Variants in HSPA12B observed in about 807,000 individuals in gnomAD.
HSPA12B encodes the protein heat shock 70 kDa protein 12B.
HSPA12B carries 54 observed loss-of-function variants against 69.3 expected under a neutral mutation model. That is an observed-to-expected ratio of 0.78 (90% confidence interval 0.63 to 0.98). The LOEUF is 0.98. Ranked by LOEUF, HSPA12B falls within the 50% of genes least tolerant of loss-of-function variation. The probability of loss-of-function intolerance (pLI) is 0.00; values close to 1 mark genes in which losing one functional copy is unlikely to be tolerated. For synonymous variants in HSPA12B, 441 were observed against 436.5 expected (o/e 1.01, Z -0.13); for missense variants, 929 against 999.8 (o/e 0.93, Z 0.96).
rs930057048 is a variant in HSPA12B at position 3,740,303 on chromosome 20, G to A, written c.44-512G>A. Reference sequence around the variant, plus strand: ...GCCTGTCTGTGGCCCTTGTGGGCATGGGAGCTGCAGAGTTCCCTCAAGTCC... The same window carrying A: ...GCCTGTCTGTGGCCCTTGTGGGCATAGGAGCTGCAGAGTTCCCTCAAGTCC... On this transcript the variant is annotated intron_variant, in intron 2 of 12. Coordinates refer to ENST00000254963, the MANE Select transcript of HSPA12B (RefSeq NM_052970.5). This position sits in a 1 kb window ranked among gnomAD's most constrained non-coding sequence, Gnocchi z 4.9. 2.6e-5 allele frequency among the ~76,000 whole-genome samples: 4 copies of A among 152,182 alleles called. No homozygotes were observed. Among genetic ancestry groups the A allele is most frequent in the African/African-American group, 9.7e-5 (4 of 41,444 alleles).
chr20:3,749,897 C>T lies in HSPA12B; in HGVS notation c.1042+43C>T, dbSNP rs780491469. 5.2e-6 allele frequency: 8 copies of T among 1,537,940 alleles called. No homozygotes were observed. Among genetic ancestry groups the T allele is most frequent in the Non-Finnish European group, 7.0e-6 (8 of 1,139,370 alleles). On this transcript the variant is annotated intron_variant, in intron 10 of 12. Coordinates refer to ENST00000254963, the MANE Select transcript of HSPA12B (RefSeq NM_052970.5). The surrounding 1 kb of genome is among the most constrained non-coding windows in gnomAD (Gnocchi z 5.5). The stretch of plus-strand genomic sequence containing the variant: ...GCCCCGGTACCCAGCGCGACCCGGG[C>T]TCCGGCCCCGCCACTGCCCCCTGGC...
chr20:3,746,301 CTTTTT>C (rs11473544), intron 7 of HSPA12B, among the ~76,000 whole-genome samples: 1,134 of 89,230 alleles, frequency 0.013, 18 homozygotes, highest in African/African-American at 0.044. Flanking sequence ...GATGGAGAGT[CTTTTT>C]TTTTTTTTTT....
rs758933355 is a variant in HSPA12B at position 3,745,903 on chromosome 20, C to A, written c.559-12C>A. The A allele has an allele frequency of 1.4e-5, 22 of 1,612,364 alleles. No individual in the cohort carries two copies. The South Asian group carries it at 2.2e-4, about 16-fold the overall frequency. ...AAGCCAGCTTTCCTCTCACTGCCCC[C>A]TCCTGTACCAGGAGCTGAGGGAGCA... On this transcript the variant is annotated splice_polypyrimidine_tract_variant and intron_variant, in intron 6 of 12. Coordinates refer to ENST00000254963, the MANE Select transcript of HSPA12B (RefSeq NM_052970.5). This position sits in a 1 kb window ranked among gnomAD's most constrained non-coding sequence, Gnocchi z 5.6.
Position 3,748,353 on chromosome 20 carries a change from T to G in HSPA12B, c.812T>G (p.Leu271Arg). The stretch of plus-strand genomic sequence containing the variant: ...GGCCGGGCCCCAGGTGGTGGGCGCC[T>G]GGGTGAGCGCCGCTCCATCGACTCC... Reference protein sequence around the residue: ...LSGRAPGGGRLGERRSIDSSF... With the variant: ...LSGRAPGGGRRGERRSIDSSF... The change falls in exon 8 of 13, where the codon CTG becomes CGG. Residue 271 changes from leucine to arginine, a missense_variant. Physicochemically the swap from Leu to Arg is moderately radical, Grantham distance 102. Coordinates refer to ENST00000254963, the MANE Select transcript of HSPA12B (RefSeq NM_052970.5). 1 of 1,608,988 alleles carries G rather than the reference T, an allele frequency of 6.2e-7. No homozygotes were observed. The highest frequency in any genetic ancestry group is 1.1e-5 in the South Asian group (1 of 90,350).
chr20:3,750,085 C>G lies in HSPA12B; in HGVS notation c.1159C>G (p.Leu387Val), dbSNP rs2088385685. The G allele has an allele frequency of 6.2e-7, 1 of 1,612,350 alleles. No individual in the cohort carries two copies. The highest frequency in any genetic ancestry group is 8.5e-7 in the Non-Finnish European group (1 of 1,179,708). ...GCAACGGCCGGCAGCCTGGGTAGAT[C>G]TGACCATCGCCTTCGAGGCTCGCAA... ...KRQRPAAWVD[L>V]TIAFEARKRT... Residue 387 changes from leucine to valine, a missense_variant, in exon 11 of 13, where the codon CTG becomes GTG. Leu to Val is a conservative substitution (Grantham distance 32). Around this residue, in one of 3 missense-constraint regions of HSPA12B, gnomAD observed 477 missense variants for 535.2 expected, o/e 0.89. Coordinates refer to ENST00000254963, the MANE Select transcript of HSPA12B (RefSeq NM_052970.5).
intron 8 of HSPA12B, 56 bp downstream of exon 8, chr20:3,748,447 C>G (rs2088349325): frequency 3.6e-6 from 5 of 1,401,882 alleles, no homozygotes; most frequent in African/African-American, 1.5e-5. Flanking sequence ...GTCACTGAAG[C>G]CAGAAGCTCA....
At position 3,745,983 on chromosome 20, in the gene HSPA12B, C is replaced by T. The variant is rs768605733; in HGVS notation, c.627C>T (p.Ala209=). 1.9e-6 allele frequency: 3 copies of T among 1,613,902 alleles called. No individual in the cohort carries two copies. Among genetic ancestry groups the T allele is most frequent in the African/African-American group, 2.7e-5 (2 of 74,930 alleles). Residue 209 remains alanine, a synonymous_variant, in exon 7 of 13, where the codon GCC becomes GCT. Coordinates refer to ENST00000254963, the MANE Select transcript of HSPA12B (RefSeq NM_052970.5). The surrounding 1 kb of genome is among the most constrained non-coding windows in gnomAD (Gnocchi z 5.6). ...DTVRWVLTVP[A]IWKQPAKQFM... ...TGCGCTGGGTGTTGACGGTGCCTGCCATCTGGAAACAGCCAGCCAAGCAGT... is the reference window on the plus strand; with the variant it reads ...TGCGCTGGGTGTTGACGGTGCCTGCTATCTGGAAACAGCCAGCCAAGCAGT...
chr20:3,751,260 T>C (rs996598416), intron 12 of HSPA12B: 5 of 985,350 alleles, frequency 5.1e-6, no homozygotes, highest in Non-Finnish European at 6.0e-6. Context: ...AAAATGCATA[T>C]CCTTATCTCT....
rs540894719 is a variant in HSPA12B, at chr20:3,740,232, G to A, written c.44-583G>A. Among the ~76,000 whole-genome samples, 1 of 152,112 alleles carries A rather than the reference G, an allele frequency of 6.6e-6. No homozygotes were observed. The highest frequency in any genetic ancestry group is 2.4e-5 in the African/African-American group (1 of 41,404). ...GGACTGGGCTATCTCTATGGGTGTG[G>A]GAGGAGGTGCTCCCCCTCCTCGATC... On this transcript the variant is annotated intron_variant, in intron 2 of 12. Transcript: ENST00000254963. This position sits in a 1 kb window ranked among gnomAD's most constrained non-coding sequence, Gnocchi z 4.9.
chr20:3,745,181 G>A lies in HSPA12B; in HGVS notation c.453+93G>A. On this transcript the variant is annotated intron_variant, in intron 5 of 12. Coordinates refer to ENST00000254963, the MANE Select transcript of HSPA12B (RefSeq NM_052970.5). This position sits in a 1 kb window ranked among gnomAD's most constrained non-coding sequence, Gnocchi z 5.6. ...GTGGGACAAAACCAAAACGTGTGAG[G>A]ACCGGCCCGATGGAGTCGTGGCTGA... The A allele has an allele frequency of 1.7e-6, 2 of 1,185,380 alleles. No homozygotes were observed. Among genetic ancestry groups the A allele is most frequent in the Non-Finnish European group, 2.4e-6 (2 of 830,284 alleles). 73.4% of individuals were successfully genotyped at this position (1,185,380 alleles called of 1,614,324 possible). A position where few individuals can be genotyped will look rare whatever the true frequency, so the allele number is the denominator to read the frequency against.
At chr20:3,739,788 T>C (rs772979132) in intron 2 of HSPA12B, among the ~76,000 whole-genome samples, 16 of 152,144 alleles carry the variant, frequency 1.1e-4, no homozygotes, top group Admixed American at 2.0e-4. Context: ...GGACTGTGGC[T>C]GAGGGAGCAC....
chr20:3,740,982 C>A lies in HSPA12B; in HGVS notation c.141+70C>A. 2 of 1,270,808 alleles carry A rather than the reference C, an allele frequency of 1.6e-6. No homozygotes were observed. The highest frequency in any genetic ancestry group is 1.3e-5 in the South Asian group (1 of 74,250). The allele number at this position is 1,270,808 out of a possible 1,614,324, so 78.7% of individuals were successfully genotyped here. On this transcript the variant is annotated intron_variant, in intron 3 of 12. Coordinates refer to ENST00000254963, the MANE Select transcript of HSPA12B (RefSeq NM_052970.5). This position sits in a 1 kb window ranked among gnomAD's most constrained non-coding sequence, Gnocchi z 4.9. ...TGGACAGGGTCGTGCGTGGCAAAGT[C>A]ATGACAGGGCCTCAGCTAGGAAGGA...
intron 1 of HSPA12B, among the ~76,000 whole-genome samples, chr20:3,733,200 G>C (rs918548208): frequency 6.6e-6 from 1 of 152,142 alleles, no homozygotes; most frequent in African/African-American, 2.4e-5. Flanking sequence ...GGGGTCCCAG[G>C]CCCTGTGGTC....
In HSPA12B at chr20:3,752,488, A is replaced by T; in HGVS notation, c.*322A>T. The T allele has an allele frequency of 6.3e-6, 1 of 159,156 alleles. No homozygotes were observed. The allele number at this position is 159,156 out of a possible 1,614,324, so 9.9% of individuals were successfully genotyped here. A position where few individuals can be genotyped will look rare whatever the true frequency, so the allele number is the denominator to read the frequency against. On this transcript the variant is annotated 3_prime_UTR_variant, in exon 13 of 13. Coordinates refer to ENST00000254963, the MANE Select transcript of HSPA12B (RefSeq NM_052970.5). ...CCCCGAAGGAAGAACGCAACAGAAG[A>T]GTCCTGGTCTGAACTTGGCCGAGTA...
At chr20:3,733,501 C>T (rs1227232258) in intron 1 of HSPA12B, among the ~76,000 whole-genome samples, 1 of 152,102 alleles carries the variant, frequency 6.6e-6, no homozygotes, top group Non-Finnish European at 1.5e-5. Context: ...TGGCTGCTCC[C>T]ATGATGAGGA....
intron 7 of HSPA12B, among the ~76,000 whole-genome samples, chr20:3,746,314 T>TTTTG (rs1402809022): frequency 1.4e-5 from 2 of 142,808 alleles, no homozygotes; most frequent in Non-Finnish European, 3.1e-5. Context: ...TTTTTTTTTT[T>TTTTG]TTTTTTTTGA....
rs2088191634 is a variant in HSPA12B at position 3,740,995 on chromosome 20, C to T, written c.141+83C>T. 5 of 1,137,578 alleles carry T rather than the reference C, an allele frequency of 4.4e-6. No individual in the cohort carries two copies. The highest frequency in any genetic ancestry group is 6.3e-6 in the Non-Finnish European group (5 of 789,728). 70.5% of individuals were successfully genotyped at this position (1,137,578 alleles called of 1,614,324 possible). A position where few individuals can be genotyped will look rare whatever the true frequency, so the allele number is the denominator to read the frequency against. On this transcript the variant is annotated intron_variant, in intron 3 of 12. Transcript: ENST00000254963. This position sits in a 1 kb window ranked among gnomAD's most constrained non-coding sequence, Gnocchi z 4.9. ...GCGTGGCAAAGTCATGACAGGGCCT[C>T]AGCTAGGAAGGAGGAGGGGATGGGG...
Position 3,740,704 on chromosome 20 carries a change from T to C in HSPA12B, c.44-111T>C. On this transcript the variant is annotated intron_variant, in intron 2 of 12. Transcript: ENST00000254963. The surrounding 1 kb of genome is among the most constrained non-coding windows in gnomAD (Gnocchi z 4.9). ...GTCCTCCTCCCCAGCAGAGAGCCCT[T>C]TGCCTTAGCCCAGCAAGGACTGATG... The C allele has an allele frequency of 1.2e-6, 1 of 813,730 alleles. No individual in the cohort carries two copies. The highest frequency in any genetic ancestry group is 1.5e-5 in the South Asian group (1 of 67,722). 50.4% of individuals were successfully genotyped at this position (813,730 alleles called of 1,614,324 possible). A position where few individuals can be genotyped will look rare whatever the true frequency, so the allele number is the denominator to read the frequency against.
chr20:3,745,194 G>A lies in HSPA12B; in HGVS notation c.453+106G>A. ...AAAACGTGTGAGGACCGGCCCGATG[G>A]AGTCGTGGCTGAGAGGGGGCGGGGC... On this transcript the variant is annotated intron_variant, in intron 5 of 12. Transcript: ENST00000254963. This position sits in a 1 kb window ranked among gnomAD's most constrained non-coding sequence, Gnocchi z 5.6. 9.4e-7 allele frequency: 1 copy of A among 1,061,278 alleles called. No individual in the cohort carries two copies. Among genetic ancestry groups the A allele is most frequent in the Non-Finnish European group, 1.4e-6 (1 of 725,284 alleles). 65.7% of individuals were successfully genotyped at this position (1,061,278 alleles called of 1,614,324 possible).
Sources: gnomAD v4.1 joint callset for allele counts (sites outside exome capture counted in the v4.1 genomes callset) on GRCh38, gnomAD v4.1.1 for gene constraint, gnomAD v4.1.1 regional missense constraint, Gnocchi (gnomAD v3.1) non-coding constraint, MANE v1.5 for transcripts, NCBI Gene and HGNC (gene_info 2026-07-23, HGNC 2026-07-21) for gene names.